Variants in TRAPPC9 observed in about 807,000 individuals in gnomAD.
TRAPPC9 encodes trafficking protein particle complex subunit 9.
Under a neutral mutation model 124.0 loss-of-function variants are expected in TRAPPC9, and 83 were observed. The ratio of observed to expected loss-of-function variants is 0.67; its 90% CI spans 0.56 to 0.80. The LOEUF (loss-of-function observed/expected upper bound fraction) is 0.80, where lower values mean the gene tolerates loss of function less well. Among genes scored for constraint, TRAPPC9 ranks in the 30% least tolerant of loss-of-function variants. The pLI, the probability that TRAPPC9 is intolerant of heterozygous loss-of-function variation, is 0.00. For missense variants in TRAPPC9, 1,302 were observed against 1,508.3 expected (o/e 0.86, Z 2.27); for synonymous variants, 638 against 617.5 (o/e 1.03, Z -0.49).
chr8:140,103,660 G>T (rs73725402), intron 17 of TRAPPC9, among the ~76,000 whole-genome samples: 70 of 152,292 alleles, frequency 4.6e-4, no homozygotes, highest in African/African-American at 1.6e-3. Context: ...ATGAAGAATA[G>T]TTGATACCAT....
intron 7 of TRAPPC9, among the ~76,000 whole-genome samples, chr8:140,390,661 A>G (rs1274961910): frequency 3.9e-5 from 6 of 152,154 alleles, no homozygotes; most frequent in Non-Finnish European, 5.9e-5. Context: ...TGGCTTGCTC[A>G]TATCTCTGCA....
At chr8:139,908,408 C>T (rs1831499300) in intron 20 of TRAPPC9, among the ~76,000 whole-genome samples, 1 of 152,120 alleles carries the variant, frequency 6.6e-6, no homozygotes, top group South Asian at 2.1e-4. Flanking sequence ...GCCTCTCCAA[C>T]CCTCAGCCTA....
At chr8:140,099,249 G>A (rs753141832) in intron 17 of TRAPPC9, 1 of 151,504 alleles carries the variant, frequency 6.6e-6, no homozygotes, top group Admixed American at 6.6e-5. Context: ...GCAGTCCGCA[G>A]GGTACTGACG....
chr8:139,985,139 T>C (rs1837166285), intron 19 of TRAPPC9, among the ~76,000 whole-genome samples: 2 of 152,206 alleles, frequency 1.3e-5, no homozygotes, highest in Admixed American at 1.3e-4. Flanking sequence ...AATGAGAATT[T>C]AAGCAAAAAC....
chr8:140,362,913 C>T (rs1259746024), intron 8 of TRAPPC9, among the ~76,000 whole-genome samples: 2 of 152,072 alleles, frequency 1.3e-5, no homozygotes, highest in African/African-American at 2.4e-5. Context: ...TGAGTAAGAC[C>T]GAGTATACAT....
chr8:140,272,367 TGAGG>T (rs2064963023), intron 15 of TRAPPC9, among the ~76,000 whole-genome samples: 4 of 146,966 alleles, frequency 2.7e-5, no homozygotes, highest in Non-Finnish European at 4.5e-5. Context: ...GTGGTGGTAG[TGAGG>T]GTGGTGGTGA....
intron 20 of TRAPPC9, among the ~76,000 whole-genome samples, chr8:139,902,180 G>A (rs1003343313): frequency 2.4e-4 from 37 of 152,140 alleles, no homozygotes; most frequent in African/African-American, 8.5e-4. Flanking sequence ...TGTGGATGCC[G>A]GGGAAAGGCC....
chr8:140,453,262 T>A (rs1588386986), intron 1 of TRAPPC9, among the ~76,000 whole-genome samples: 1 of 152,008 alleles, frequency 6.6e-6, no homozygotes, highest in African/African-American at 2.4e-5. Flanking sequence ...GCTAATGGGG[T>A]TCAGCTTCAG....
At chr8:139,737,018 G>A (rs939449640) in intron 21 of TRAPPC9, among the ~76,000 whole-genome samples, 2 of 152,208 alleles carry the variant, frequency 1.3e-5, no homozygotes, top group Non-Finnish European at 2.9e-5. Flanking sequence ...TAAATAATGG[G>A]AAAAATTTCT....
rs77336425 is a variant in TRAPPC9, at chr8:139,749,066, C to G, written c.3056-16864G>C. On this transcript the variant is annotated intron_variant, in intron 21 of 22. Coordinates refer to ENST00000438773, the MANE Select transcript of TRAPPC9 (RefSeq NM_001160372.4). ...ACTTCAATTGCTCCTCCAAAGTATT[C>G]AAGGCCAAGTTCAAGGCTGTCTGAT... Among the ~76,000 whole-genome samples the G allele has an allele frequency of 1.5e-4, 23 of 152,248 alleles. No individual in the cohort carries two copies. In the East Asian group the frequency reaches 4.4e-3, roughly 29 times the overall value.
At chr8:139,869,586 G>A (rs1049969743) in intron 21 of TRAPPC9, among the ~76,000 whole-genome samples, 2 of 152,148 alleles carry the variant, frequency 1.3e-5, no homozygotes, top group East Asian at 1.9e-4. Flanking sequence ...ATAAAGTAGA[G>A]CTAATTGATA....
intron 21 of TRAPPC9, among the ~76,000 whole-genome samples, chr8:139,865,354 T>C (rs1037576288): frequency 2.0e-5 from 3 of 152,218 alleles, no homozygotes; most frequent in Non-Finnish European, 4.4e-5. Context: ...GATTCATTCA[T>C]TCACAAAACA....
chr8:140,120,994 C>A (rs2060977213), intron 17 of TRAPPC9, among the ~76,000 whole-genome samples: 2 of 152,240 alleles, frequency 1.3e-5, no homozygotes, highest in Admixed American at 1.3e-4. Flanking sequence ...GGGGCATATG[C>A]CATCAACAAA....
At chr8:139,740,213 T>C (rs143010651) in intron 21 of TRAPPC9, among the ~76,000 whole-genome samples, 20 of 152,374 alleles carry the variant, frequency 1.3e-4, no homozygotes, top group Non-Finnish European at 1.0e-4. Flanking sequence ...TCTTCCCTCC[T>C]GTCCCTGGCC....
intron 18 of TRAPPC9, among the ~76,000 whole-genome samples, chr8:139,994,788 G>A (rs1342944781): frequency 2.0e-5 from 3 of 152,138 alleles, no homozygotes; most frequent in Non-Finnish European, 4.4e-5. Context: ...TTGGAGGACA[G>A]CTTTCCAGAG....
At chr8:140,120,734 A>ACATC (rs1334916097) in intron 17 of TRAPPC9, among the ~76,000 whole-genome samples, 3 of 146,622 alleles carry the variant, frequency 2.0e-5, no homozygotes, top group African/African-American at 7.7e-5. Context: ...CATCCATCCA[A>ACATC]CATCCATCCA....
chr8:140,326,136 C>G (rs1469715523), intron 9 of TRAPPC9, among the ~76,000 whole-genome samples: 4 of 151,728 alleles, frequency 2.6e-5, no homozygotes, highest in African/African-American at 9.7e-5. Context: ...CCTGTAATCC[C>G]AGCACTTTGG....
At chr8:139,866,843 C>T (rs181691906) in intron 21 of TRAPPC9, among the ~76,000 whole-genome samples, 54 of 152,268 alleles carry the variant, frequency 3.5e-4, no homozygotes, top group African/African-American at 1.2e-3. Context: ...TGCTTGGGAA[C>T]AGCAACATCC....
At position 139,991,289 on chromosome 8, in the gene TRAPPC9, C is replaced by G. The variant is rs117036079; in HGVS notation, c.2700-2453G>C. On this transcript the variant is annotated intron_variant, in intron 18 of 22. Transcript: ENST00000438773. Reference sequence around the variant, plus strand: ...GCTTACGAAATGGCACAGGAATGAGCAGCATCAATACACAATGCATTTCTG... The same window carrying G: ...GCTTACGAAATGGCACAGGAATGAGGAGCATCAATACACAATGCATTTCTG... Among the ~76,000 whole-genome samples, 51 of 152,334 alleles carry G rather than the reference C, an allele frequency of 3.3e-4. No homozygotes were observed. In the East Asian group the frequency reaches 7.9e-3, roughly 24 times the overall value.
Sources: allele counts gnomAD v4.1 joint callset (sites outside exome capture counted in the v4.1 genomes callset), GRCh38; gene constraint gnomAD v4.1.1; transcripts MANE v1.5; gene names NCBI Gene and HGNC (gene_info 2026-07-23, HGNC 2026-07-21).